NOCT: variants seen among roughly 807,000 people sequenced by gnomAD.
The protein encoded by NOCT is CCR4 carbon catabolite repression 4-like.
In NOCT, 18 loss-of-function variants were observed where a neutral mutation model predicts 35.0. The ratio of observed to expected loss-of-function variants is 0.51; its 90% CI spans 0.36 to 0.76. The LOEUF is 0.76. Ranked by LOEUF, NOCT falls within the 30% of genes least tolerant of loss-of-function variation. The pLI is 0.01. For synonymous variants in NOCT, 235 were observed against 226.3 expected (o/e 1.04, Z -0.34); for missense variants, 479 against 541.0 (o/e 0.89, Z 1.14).
chr4:139,025,799 G>A (rs1356432842), intron 1 of NOCT, among the ~76,000 whole-genome samples: 4 of 122,300 alleles, frequency 3.3e-5, no homozygotes, highest in Non-Finnish European at 5.4e-5. Flanking sequence ...GCGAGACTCC[G>A]TCTCAAAAAA....
rs557887494 is a variant in NOCT, at chr4:139,031,516, G to T, written c.191-11558G>T. Among the ~76,000 whole-genome samples, 82 of 151,930 alleles carry T rather than the reference G, an allele frequency of 5.4e-4. 1 individual carries two copies. The South Asian group carries it at 0.017, about 32-fold the overall frequency. On this transcript the variant is annotated intron_variant, in intron 1 of 2. Coordinates refer to ENST00000280614, the MANE Select transcript of NOCT (RefSeq NM_012118.4). ...GGTGGGCCAAGTCAGTTTGGGTCTCGACTGTTGGGGTTGTCATCCAGCATT... is the reference window on the plus strand; with the variant it reads ...GGTGGGCCAAGTCAGTTTGGGTCTCTACTGTTGGGGTTGTCATCCAGCATT...
rs547458958 is a variant in NOCT at position 139,038,196 on chromosome 4, CAAATAAAT to C, written c.191-4857_191-4850del. On this transcript the variant is annotated intron_variant, in intron 1 of 2. Transcript: ENST00000280614. ...GCCTGGTGACAGAGTGAGACTGTCT[CAAATAAAT>C]AAATAAATAAATAAATAAATTTTAA... is the stretch of plus-strand genomic sequence containing the variant. Among the ~76,000 whole-genome samples, 29 of 150,644 alleles carry C rather than the reference CAAATAAAT, an allele frequency of 1.9e-4. No individual in the cohort carries two copies. In the South Asian group the frequency reaches 2.1e-3, roughly 11 times the overall value.
At chr4:139,020,819 A>C (rs981870589) in intron 1 of NOCT, among the ~76,000 whole-genome samples, 1 of 151,978 alleles carries the variant, frequency 6.6e-6, no homozygotes, top group African/African-American at 2.4e-5. Flanking sequence ...TAATCCCAGC[A>C]CTTTGGGAGG....
chr4:139,045,723 A>G lies in NOCT; in HGVS notation c.*249A>G, dbSNP rs1726928192. The stretch of plus-strand genomic sequence containing the variant: ...AGTAGAGACGGGGTTTCACCGTGTT[A>G]GCCAGGATGGTCTCGATCTCCTGAC... On this transcript the variant is annotated 3_prime_UTR_variant, in exon 3 of 3. Coordinates refer to ENST00000280614, the MANE Select transcript of NOCT (RefSeq NM_012118.4). 8.7e-6 allele frequency: 3 copies of G among 345,288 alleles called. No individual in the cohort carries two copies. Among genetic ancestry groups the G allele is most frequent in the Non-Finnish European group, 1.6e-5 (3 of 191,656 alleles). 21.4% of individuals were successfully genotyped at this position (345,288 alleles called of 1,614,324 possible).
chr4:139,027,252 G>A (rs1726539045), intron 1 of NOCT, among the ~76,000 whole-genome samples: 1 of 151,192 alleles, frequency 6.6e-6, no homozygotes. Context: ...CCAGCTCACT[G>A]CAGGCTCAGC....
intron 1 of NOCT, among the ~76,000 whole-genome samples, chr4:139,033,678 C>CAA (rs761210940): frequency 7.7e-6 from 1 of 129,380 alleles, no homozygotes; most frequent in Non-Finnish European, 1.7e-5. Context: ...ACCCTGTCTC[C>CAA]AAAAAAAAAA....
In NOCT at chr4:139,045,551, C is replaced by T. The variant is rs1446470879; in HGVS notation, c.*77C>T. 6 of 790,816 alleles carry T rather than the reference C, an allele frequency of 7.6e-6. No individual in the cohort carries two copies. Among genetic ancestry groups the T allele is most frequent in the Admixed American group, 6.9e-5 (2 of 28,940 alleles). 49.0% of individuals were successfully genotyped at this position (790,816 alleles called of 1,614,324 possible). A position where few individuals can be genotyped will look rare whatever the true frequency, so the allele number is the denominator to read the frequency against. ...TTTTTTTTTGAGACAGAGTCTCGCT[C>T]TGTTGCCTAGGCTGGAGTACAGTGG... On this transcript the variant is annotated 3_prime_UTR_variant, in exon 3 of 3. Transcript: ENST00000280614.
chr4:139,019,851 T>C (rs1440292570), intron 1 of NOCT, among the ~76,000 whole-genome samples: 1 of 152,178 alleles, frequency 6.6e-6, no homozygotes, highest in Non-Finnish European at 1.5e-5. Flanking sequence ...ATAAATGCTA[T>C]CCTCCACATC....
chr4:139,043,975 AATATGT>A, intron 2 of NOCT: 1 of 98,050 alleles, frequency 1.0e-5, no homozygotes, highest in East Asian at 3.3e-4. Context: ...GTCTCAAAAA[AATATGT>A]ATATATATAT....
In NOCT at chr4:139,045,640, C is replaced by T; in HGVS notation, c.*166C>T. On this transcript the variant is annotated 3_prime_UTR_variant, in exon 3 of 3. Coordinates refer to ENST00000280614, the MANE Select transcript of NOCT (RefSeq NM_012118.4). ...CATGGCATTCTCCTGCCTCAGCCTC[C>T]AGAGCAACTGGGACAACAGGCGCCC... 2.0e-6 allele frequency: 1 copy of T among 508,714 alleles called. No individual in the cohort carries two copies. The highest frequency in any genetic ancestry group is 3.4e-6 in the Non-Finnish European group (1 of 292,804). 31.5% of individuals were successfully genotyped at this position (508,714 alleles called of 1,614,324 possible). A position where few individuals can be genotyped will look rare whatever the true frequency, so the allele number is the denominator to read the frequency against.
Position 139,045,683 on chromosome 4 carries a change from A to G in NOCT, c.*209A>G. On this transcript the variant is annotated 3_prime_UTR_variant, in exon 3 of 3. Coordinates refer to ENST00000280614, the MANE Select transcript of NOCT (RefSeq NM_012118.4). ...AGGCGCCCGTCACCACGCCCAGCTAATTTTTTGTATTTTTAGTAGAGACGG... is the reference window on the plus strand; with the variant it reads ...AGGCGCCCGTCACCACGCCCAGCTAGTTTTTTGTATTTTTAGTAGAGACGG... 2.2e-6 allele frequency: 1 copy of G among 446,036 alleles called. No individual in the cohort carries two copies. The highest frequency in any genetic ancestry group is 4.0e-5 in the Admixed American group (1 of 25,212). The allele number at this position is 446,036 out of a possible 1,614,324, so 27.6% of individuals were successfully genotyped here.
At chr4:139,026,694 G>A (rs192190237) in intron 1 of NOCT, among the ~76,000 whole-genome samples, 2 of 151,930 alleles carry the variant, frequency 1.3e-5, no homozygotes, top group South Asian at 4.2e-4. Flanking sequence ...GGGATTACAG[G>A]TGCCCACCGT....
chr4:139,026,799 G>T (rs1312315439), intron 1 of NOCT, among the ~76,000 whole-genome samples: 1 of 151,232 alleles, frequency 6.6e-6, no homozygotes, highest in Non-Finnish European at 1.5e-5. Context: ...TGATCTGCTC[G>T]CCTCAGCCTC....
At chr4:139,040,449 T>C (rs889975288) in intron 1 of NOCT, among the ~76,000 whole-genome samples, 5 of 152,204 alleles carry the variant, frequency 3.3e-5, no homozygotes, top group Non-Finnish European at 7.3e-5. Context: ...TTCTATTCTT[T>C]ATTCTCTTCA....
intron 1 of NOCT, among the ~76,000 whole-genome samples, chr4:139,034,825 T>G (rs1197004192): frequency 6.6e-6 from 1 of 152,092 alleles, no homozygotes; most frequent in Non-Finnish European, 1.5e-5. Context: ...CCTCCCAGAG[T>G]GCTGGGATTA....
chr4:139,015,926 C>A lies in NOCT; in HGVS notation c.-56C>A. ...CGGCTCGACTCGGTGCCCTCGGCCC[C>A]AGCCGGGCTCCGCTCCTCGGGCGCG... is the stretch of plus-strand genomic sequence containing the variant. On this transcript the variant is annotated 5_prime_UTR_variant, in exon 1 of 3. Coordinates refer to ENST00000280614, the MANE Select transcript of NOCT (RefSeq NM_012118.4). 1 of 1,274,410 alleles carries A rather than the reference C, an allele frequency of 7.8e-7. No individual in the cohort carries two copies. Among genetic ancestry groups the A allele is most frequent in the Non-Finnish European group, 9.9e-7 (1 of 1,005,596 alleles). The allele number at this position is 1,274,410 out of a possible 1,614,324, so 78.9% of individuals were successfully genotyped here.
chr4:139,016,908 C>T (rs1726319163), intron 1 of NOCT, among the ~76,000 whole-genome samples: 1 of 151,292 alleles, frequency 6.6e-6, no homozygotes, highest in South Asian at 2.1e-4. Context: ...CCGCCTCAGC[C>T]TCCCAGAGTG....
At position 139,045,151 on chromosome 4, in the gene NOCT, T is replaced by C. The variant is rs778411432; in HGVS notation, c.973T>C (p.Phe325Leu). ...GATTCCCCTTATTGTGTGTGGGGAC[T>C]TCAATGCAGAGCCAACAGAAGAGGT... ...AKIPLIVCGD[F>L]NAEPTEEVYK... is the part of the protein sequence containing the mutation. The change falls in exon 3 of 3, where the codon TTC (phenylalanine) becomes CTC (leucine). Residue 325 changes from phenylalanine to leucine, a missense_variant. Physicochemically the swap from Phe to Leu is conservative, Grantham distance 22 (BLOSUM62 0). This residue lies in a region of NOCT where 214 missense variants were observed against 284.0 expected (regional missense o/e 0.75). Coordinates refer to ENST00000280614, the MANE Select transcript of NOCT (RefSeq NM_012118.4). 6.2e-5 allele frequency: 100 copies of C among 1,614,070 alleles called. No individual in the cohort carries two copies. The highest frequency in any genetic ancestry group is 8.5e-5 in the Non-Finnish European group (100 of 1,180,048).
In NOCT at chr4:139,026,463, A is replaced by G. The variant is rs545540276; in HGVS notation, c.190+10292A>G. The stretch of plus-strand genomic sequence containing the variant: ...GGCTGAACTCAAACCCCTGGGTTTA[A>G]GGGATCTTCCTGCCTCAGCCTCCCG... On this transcript the variant is annotated intron_variant, in intron 1 of 2. Coordinates refer to ENST00000280614, the MANE Select transcript of NOCT (RefSeq NM_012118.4). 7.9e-5 allele frequency among the ~76,000 whole-genome samples: 12 copies of G among 152,278 alleles called. No homozygotes were observed. In the East Asian group the frequency reaches 2.3e-3, roughly 29 times the overall value.
Sources: gnomAD v4.1 joint callset for allele counts (sites outside exome capture counted in the v4.1 genomes callset) on GRCh38, gnomAD v4.1.1 for gene constraint, gnomAD v4.1.1 regional missense constraint, MANE v1.5 for transcripts, NCBI Gene and HGNC (gene_info 2026-07-23, HGNC 2026-07-21) for gene names.